CMSS1: variants seen among roughly 807,000 people sequenced by gnomAD.
The protein encoded by CMSS1 is cms1 ribosomal small subunit homolog, also known as protein CMSS1.
In CMSS1, 33 loss-of-function variants were observed where a neutral mutation model predicts 43.5. That is an observed-to-expected ratio of 0.76 (90% CI 0.57 to 1.01). The LOEUF is 1.01. Ranked by LOEUF, CMSS1 falls within the 50% of genes least tolerant of loss-of-function variation. The probability of loss-of-function intolerance (pLI) is 0.00; values close to 1 mark genes in which losing one functional copy is unlikely to be tolerated. For missense variants in CMSS1, 313 were observed against 326.4 expected (o/e 0.96, Z 0.32); for synonymous variants, 115 against 117.2 (o/e 0.98, Z 0.12).
intron 2 of CMSS1, among the ~76,000 whole-genome samples, chr3:100,149,579 T>G (rs907047551): frequency 1.3e-5 from 2 of 152,146 alleles, no homozygotes; most frequent in Non-Finnish European, 2.9e-5. Flanking sequence ...AACCCCTTTC[T>G]CCAACCCTAT....
intron 2 of CMSS1, among the ~76,000 whole-genome samples, chr3:100,155,837 A>G (rs2066966921): frequency 6.6e-6 from 1 of 152,194 alleles, no homozygotes; most frequent in Admixed American, 6.5e-5. Context: ...AAGTTCTAGC[A>G]TCCATTATTG....
chr3:99,888,588 TAGAG>T lies in CMSS1; in HGVS notation c.64+70550_64+70553del, dbSNP rs544899437. Among the ~76,000 whole-genome samples, 11 of 152,288 alleles carry T rather than the reference TAGAG, an allele frequency of 7.2e-5. No individual in the cohort carries two copies. In the East Asian group the frequency reaches 1.9e-3, roughly 27 times the overall value. ...TGCCTGTTTGATCCATCACTGAAAATAGAGAGAGGCTCTTTATGTTTTAGGTACA... is the reference window on the plus strand; with the variant it reads ...TGCCTGTTTGATCCATCACTGAAAATAGAGGCTCTTTATGTTTTAGGTACA... On this transcript the variant is annotated intron_variant, in intron 1 of 9. Transcript: ENST00000421999.
intron 1 of CMSS1, among the ~76,000 whole-genome samples, chr3:100,125,169 C>G (rs2066653393): frequency 1.3e-5 from 2 of 152,170 alleles, no homozygotes; most frequent in Admixed American, 1.3e-4. Flanking sequence ...TATTCCCTGG[C>G]TTCCTCCTCT....
intron 1 of CMSS1, among the ~76,000 whole-genome samples, chr3:100,019,074 C>G (rs1411934531): frequency 6.6e-6 from 1 of 152,080 alleles, no homozygotes; most frequent in African/African-American, 2.4e-5. Context: ...AAGAGAGAAC[C>G]CTTATACATT....
chr3:100,112,195 A>G (rs879434198), intron 1 of CMSS1, among the ~76,000 whole-genome samples: 3 of 152,242 alleles, frequency 2.0e-5, no homozygotes, highest in Non-Finnish European at 2.9e-5. Flanking sequence ...AGCTACTAGC[A>G]CTTTTTCTTT....
chr3:99,905,959 G>C (rs191442811), intron 1 of CMSS1, among the ~76,000 whole-genome samples: 2 of 152,180 alleles, frequency 1.3e-5, no homozygotes, highest in Non-Finnish European at 2.9e-5. Context: ...TTGGGAGGCT[G>C]AGGCAGGCAG....
intron 4 of CMSS1, among the ~76,000 whole-genome samples, chr3:100,164,777 T>C (rs993534598): frequency 1.3e-5 from 2 of 152,096 alleles, no homozygotes; most frequent in African/African-American, 4.8e-5. Context: ...TATACACATA[T>C]AAGGTAGATA....
intron 1 of CMSS1, chr3:99,833,249 G>C: frequency 6.2e-7 from 1 of 1,612,300 alleles, no homozygotes; most frequent in Non-Finnish European, 8.5e-7. Context: ...TGAGGCAGAA[G>C]AAGTGGTTCC....
intron 1 of CMSS1, among the ~76,000 whole-genome samples, chr3:100,046,511 A>G (rs1301139285): frequency 6.6e-6 from 1 of 151,940 alleles, no homozygotes; most frequent in Non-Finnish European, 1.5e-5. Context: ...TACAGAGATT[A>G]TAAATCTAGA....
intron 1 of CMSS1, among the ~76,000 whole-genome samples, chr3:99,840,993 G>T (rs1353106789): frequency 3.3e-5 from 5 of 152,066 alleles, no homozygotes; most frequent in Admixed American, 3.3e-4. Flanking sequence ...TCATTTCTTT[G>T]CCCAGGTTAA....
intron 1 of CMSS1, among the ~76,000 whole-genome samples, chr3:100,015,320 G>A (rs1311608900): frequency 1.3e-5 from 2 of 152,076 alleles, no homozygotes; most frequent in Non-Finnish European, 2.9e-5. Flanking sequence ...TTTAAATCAG[G>A]TAGTATGATG....
At chr3:100,140,280 C>T (rs1349947706) in intron 1 of CMSS1, among the ~76,000 whole-genome samples, 1 of 152,040 alleles carries the variant, frequency 6.6e-6, no homozygotes, top group Non-Finnish European at 1.5e-5. Flanking sequence ...AATGAAATTT[C>T]CTTCTATTCC....
At chr3:99,997,669 C>G (rs1559719395) in intron 1 of CMSS1, among the ~76,000 whole-genome samples, 1 of 152,192 alleles carries the variant, frequency 6.6e-6, no homozygotes, top group Non-Finnish European at 1.5e-5. Flanking sequence ...GTGATCCTTA[C>G]TGTCACTTCC....
chr3:99,847,663 A>G (rs1372168199), intron 1 of CMSS1, among the ~76,000 whole-genome samples: 1 of 152,202 alleles, frequency 6.6e-6, no homozygotes, highest in Non-Finnish European at 1.5e-5. Context: ...GCTCTTAGAG[A>G]TACTGAAATA....
rs1031714092 is a variant in CMSS1 at position 99,877,303 on chromosome 3, T to C, written c.64+59260T>C. On this transcript the variant is annotated intron_variant, in intron 1 of 9. Transcript: ENST00000421999. ...TGATGTACATATGTCTGTAGAATTATTGTTTCCATATGTTTTGTCAAACAA... is the reference window on the plus strand; with the variant it reads ...TGATGTACATATGTCTGTAGAATTACTGTTTCCATATGTTTTGTCAAACAA... Among the ~76,000 whole-genome samples the C allele has an allele frequency of 2.5e-4, 38 of 152,212 alleles. 1 individual carries two copies. The highest frequency in any genetic ancestry group is 2.0e-3 in the Admixed American group (31 of 15,286).
At chr3:99,932,465 C>T (rs768165545) in intron 1 of CMSS1, among the ~76,000 whole-genome samples, 91 of 151,860 alleles carry the variant, frequency 6.0e-4, no homozygotes, top group Non-Finnish European at 7.2e-4. Context: ...TTTACTTGTT[C>T]ATTTTACTGT....
At chr3:100,117,457 T>G (rs1021089368) in intron 1 of CMSS1, among the ~76,000 whole-genome samples, 8 of 151,838 alleles carry the variant, frequency 5.3e-5, no homozygotes, top group Non-Finnish European at 7.4e-5. Flanking sequence ...GAGAAAAAAA[T>G]AAGGTGGAAT....
At chr3:100,052,048 A>G (rs2065383535) in intron 1 of CMSS1, among the ~76,000 whole-genome samples, 1 of 151,860 alleles carries the variant, frequency 6.6e-6, no homozygotes, top group Admixed American at 6.6e-5. Context: ...CCCTTAAATG[A>G]TCTATATTAT....
intron 1 of CMSS1, among the ~76,000 whole-genome samples, chr3:100,025,932 G>T (rs764879950): frequency 1.5e-4 from 23 of 152,126 alleles, no homozygotes; most frequent in Non-Finnish European, 2.2e-4. Flanking sequence ...GAGCTCCCTT[G>T]TTTGGAAAGC....
Sources: allele counts gnomAD v4.1 joint callset (sites outside exome capture counted in the v4.1 genomes callset), GRCh38; gene constraint gnomAD v4.1.1; transcripts MANE v1.5; gene names NCBI Gene and HGNC (gene_info 2026-07-23, HGNC 2026-07-21).